The following LARS2 variants were observed in gnomAD, a reference collection of about 807,000 sequenced individuals.
LARS2 encodes the protein leucine--tRNA ligase, mitochondrial.
In LARS2, 81 loss-of-function variants were observed where a neutral mutation model predicts 116.6. The observed-to-expected ratio is 0.69, with a 90% confidence interval of 0.58 to 0.84. The LOEUF is 0.84. Among genes scored for constraint, LARS2 ranks in the 40% least tolerant of loss-of-function variants. The pLI, the probability that LARS2 is intolerant of heterozygous loss-of-function variation, is 0.00. For synonymous variants in LARS2, 396 were observed against 407.2 expected (o/e 0.97, Z 0.33); for missense variants, 968 against 1,114.5 (o/e 0.87, Z 1.87).
chr3:45,503,367 G>A (rs1700149961), intron 15 of LARS2, among the ~76,000 whole-genome samples: 1 of 152,078 alleles, frequency 6.6e-6, no homozygotes, highest in Non-Finnish European at 1.5e-5. Context: ...TTCTGGTTCA[G>A]TGACGATTCC....
chr3:45,400,883 G>C (rs909525719), intron 4 of LARS2, among the ~76,000 whole-genome samples: 4 of 151,606 alleles, frequency 2.6e-5, no homozygotes, highest in Admixed American at 1.3e-4. Flanking sequence ...ACGCAGTCTC[G>C]GCTCACTGCA....
At chr3:45,533,618 CT>C (rs1057010604) in intron 20 of LARS2, among the ~76,000 whole-genome samples, 1 of 152,136 alleles carries the variant, frequency 6.6e-6, no homozygotes, top group African/African-American at 2.4e-5. Context: ...CATTTTGTTT[CT>C]CCCAGGAAGG....
At chr3:45,538,212 A>G (rs374580443) in intron 20 of LARS2, 2 of 152,364 alleles carry the variant, frequency 1.3e-5, no homozygotes, top group African/African-American at 4.8e-5. Flanking sequence ...AAATGTTGGC[A>G]GGGGCCCAGG....
intron 4 of LARS2, among the ~76,000 whole-genome samples, chr3:45,416,914 A>G (rs1310628056): frequency 6.6e-6 from 1 of 151,898 alleles, no homozygotes; most frequent in Non-Finnish European, 1.5e-5. Context: ...CTCTACTAAA[A>G]ATAAAAAAAA....
rs376302995 is a variant in LARS2, at chr3:45,393,539, C to T, written c.-21-894C>T. Among the ~76,000 whole-genome samples the T allele has an allele frequency of 3.9e-5, 6 of 152,048 alleles. No homozygotes were observed. The South Asian group carries it at 1.2e-3, about 32-fold the overall frequency. On this transcript the variant is annotated intron_variant, in intron 2 of 21. Transcript: ENST00000645846. ...GCAGTGAGCCAAGATCATGCCATTG[C>T]ACTTCAGCCTGGGCAATAGAGCGAG...
In LARS2 at chr3:45,541,196, C is replaced by T. The variant is rs573397252; in HGVS notation, c.2405-633C>T. 1.1e-3 allele frequency among the ~76,000 whole-genome samples: 173 copies of T among 152,288 alleles called. 2 individuals are homozygous for T. The South Asian group carries it at 0.016, about 14-fold the overall frequency. On this transcript the variant is annotated intron_variant, in intron 20 of 21. Transcript: ENST00000645846. ...CCACCTCTTCTTGGGGGCTGCGGCACGAAGCACTCTGGGAAACGGGGCTTG... is the reference window on the plus strand; with the variant it reads ...CCACCTCTTCTTGGGGGCTGCGGCATGAAGCACTCTGGGAAACGGGGCTTG...
intron 20 of LARS2, among the ~76,000 whole-genome samples, chr3:45,533,509 C>G (rs1700653067): frequency 6.6e-6 from 1 of 152,186 alleles, no homozygotes; most frequent in South Asian, 2.1e-4. Context: ...TAAAACAATA[C>G]TGATCCAATT....
At chr3:45,454,324 T>C (rs1699180545) in intron 7 of LARS2, among the ~76,000 whole-genome samples, 1 of 152,210 alleles carries the variant, frequency 6.6e-6, no homozygotes, top group Admixed American at 6.5e-5. Flanking sequence ...ATGGCTCCTT[T>C]GTGTTTGTTG....
intron 4 of LARS2, among the ~76,000 whole-genome samples, chr3:45,406,392 C>G (rs746354884): frequency 6.6e-6 from 1 of 152,120 alleles, no homozygotes; most frequent in African/African-American, 2.4e-5. Context: ...TAAGTGCTCT[C>G]CCAGATTTGG....
intron 4 of LARS2, among the ~76,000 whole-genome samples, chr3:45,409,759 A>G (rs1441924845): frequency 6.6e-6 from 1 of 152,228 alleles, no homozygotes; most frequent in Non-Finnish European, 1.5e-5. Context: ...GCTCTGGCTC[A>G]TGGTGGGAAG....
At chr3:45,524,363 A>T (rs2125759343) in intron 20 of LARS2, among the ~76,000 whole-genome samples, 1 of 152,248 alleles carries the variant, frequency 6.6e-6, no homozygotes, top group Non-Finnish European at 1.5e-5. Flanking sequence ...TACCATCTTA[A>T]TCCCTTCTCG....
intron 17 of LARS2, among the ~76,000 whole-genome samples, chr3:45,516,876 T>C (rs1269175722): frequency 1.3e-5 from 2 of 152,172 alleles, no homozygotes; most frequent in Non-Finnish European, 2.9e-5. Flanking sequence ...TAAAATGACA[T>C]GAAGTAAAAT....
chr3:45,428,817 T>C (rs1045117326), intron 6 of LARS2, among the ~76,000 whole-genome samples: 2 of 152,166 alleles, frequency 1.3e-5, no homozygotes, highest in Non-Finnish European at 2.9e-5. Flanking sequence ...TTCACCTAGA[T>C]TCAATAATTA....
intron 20 of LARS2, among the ~76,000 whole-genome samples, chr3:45,537,702 C>G (rs562195392): frequency 6.6e-6 from 1 of 152,196 alleles, no homozygotes; most frequent in Non-Finnish European, 1.5e-5. Flanking sequence ...CTCTTCCCCC[C>G]TGGTGTGTCT....
At chr3:45,514,508 G>A (rs1575306416) in intron 16 of LARS2, among the ~76,000 whole-genome samples, 1 of 152,214 alleles carries the variant, frequency 6.6e-6, no homozygotes, top group Non-Finnish European at 1.5e-5. Flanking sequence ...CAGCATGGAT[G>A]ACAGAGGGAA....
At chr3:45,402,860 C>G (rs1021728352) in intron 4 of LARS2, among the ~76,000 whole-genome samples, 1 of 151,748 alleles carries the variant, frequency 6.6e-6, no homozygotes, top group East Asian at 1.9e-4. Context: ...AATCCCAGCA[C>G]TTTGGGAGGC....
intron 15 of LARS2, among the ~76,000 whole-genome samples, chr3:45,512,772 C>G (rs796776558): frequency 2.0e-4 from 31 of 152,284 alleles, no homozygotes; most frequent in African/African-American, 7.5e-4. Flanking sequence ...AGAACTGCCT[C>G]CTGAAAGGGA....
At chr3:45,485,849 C>A in intron 11 of LARS2, 53 bp downstream of exon 11, 5 of 1,041,172 alleles carry the variant, frequency 4.8e-6, no homozygotes, top group Admixed American at 1.9e-5. Flanking sequence ...GATTTAGAAT[C>A]AAAATACTCC....
At chr3:45,437,332 T>C (rs1427613606) in intron 6 of LARS2, among the ~76,000 whole-genome samples, 1 of 152,232 alleles carries the variant, frequency 6.6e-6, no homozygotes, top group Non-Finnish European at 1.5e-5. Context: ...AAGGAACATA[T>C]TGCATAAAAA....
Sources: allele counts gnomAD v4.1 joint callset (sites outside exome capture counted in the v4.1 genomes callset), GRCh38; gene constraint gnomAD v4.1.1; transcripts MANE v1.5; gene names NCBI Gene and HGNC (gene_info 2026-07-23, HGNC 2026-07-21).